DGKB: variants seen among roughly 807,000 people sequenced by gnomAD.
DGKB encodes the protein diacylglycerol kinase beta, also known as 90 kDa diacylglycerol kinase.
DGKB carries 67 observed loss-of-function variants against 114.3 expected under a neutral mutation model. The ratio of observed to expected loss-of-function variants is 0.59; its 90% CI spans 0.48 to 0.72. The LOEUF (loss-of-function observed/expected upper bound fraction) is 0.72. Among genes scored for constraint, DGKB ranks in the 30% least tolerant of loss-of-function variants. The pLI, the probability that DGKB is intolerant of heterozygous loss-of-function variation, is 0.00. For synonymous variants in DGKB, 398 were observed against 323.1 expected (o/e 1.23, Z -2.49); for missense variants, 907 against 975.2 (o/e 0.93, Z 0.93).
intron 23 of DGKB, among the ~76,000 whole-genome samples, chr7:14,301,144 T>G (rs2128488388): frequency 6.6e-6 from 1 of 152,282 alleles, no homozygotes; most frequent in South Asian, 2.1e-4. Flanking sequence ...TCTTTGATAT[T>G]TTATGGGTTT....
intron 15 of DGKB, among the ~76,000 whole-genome samples, chr7:14,619,992 G>C (rs961801826): frequency 6.6e-6 from 1 of 151,470 alleles, no homozygotes; most frequent in South Asian, 2.1e-4. Context: ...ACCCAGAGTA[G>C]CTGAAGATTT....
intron 2 of DGKB, among the ~76,000 whole-genome samples, chr7:14,794,109 C>G (rs542719366): frequency 6.6e-6 from 1 of 152,122 alleles, no homozygotes; most frequent in Admixed American, 6.5e-5. Context: ...ACTTCTCAGC[C>G]TCTACAATCT....
chr7:14,747,853 C>T (rs1833579966), intron 4 of DGKB, among the ~76,000 whole-genome samples: 1 of 151,678 alleles, frequency 6.6e-6, no homozygotes, highest in Non-Finnish European at 1.5e-5. Flanking sequence ...TAAGGAACAG[C>T]CACAGACTAT....
intron 23 of DGKB, among the ~76,000 whole-genome samples, chr7:14,252,154 A>G (rs1253620306): frequency 6.6e-6 from 1 of 152,176 alleles, no homozygotes; most frequent in African/African-American, 2.4e-5. Flanking sequence ...ATGGTGTCCC[A>G]TAAGTCCTGT....
chr7:14,471,871 G>A (rs776217076), intron 21 of DGKB, among the ~76,000 whole-genome samples: 11 of 152,068 alleles, frequency 7.2e-5, no homozygotes, highest in Middle Eastern at 3.2e-3. Flanking sequence ...TCCACAAACT[G>A]TGTAGTTACT....
intron 20 of DGKB, among the ~76,000 whole-genome samples, chr7:14,482,418 T>C (rs73679793): frequency 2.0e-3 from 309 of 152,180 alleles, no homozygotes; most frequent in African/African-American, 6.9e-3. Context: ...ATATGATAAA[T>C]TATCTAACAA....
chr7:14,521,724 T>A (rs1789799113), intron 20 of DGKB, among the ~76,000 whole-genome samples: 1 of 152,204 alleles, frequency 6.6e-6, no homozygotes, highest in Non-Finnish European at 1.5e-5. Context: ...ACTGTTTTGA[T>A]AACAACATCT....
intron 1 of DGKB, among the ~76,000 whole-genome samples, chr7:14,950,669 T>C (rs1407151499): frequency 6.6e-6 from 1 of 152,084 alleles, no homozygotes; most frequent in East Asian, 1.9e-4. Context: ...TGGTGGGTTC[T>C]ACCAAATATT....
chr7:14,433,212 A>C (rs1828733824), intron 21 of DGKB, among the ~76,000 whole-genome samples: 1 of 152,136 alleles, frequency 6.6e-6, no homozygotes, highest in Non-Finnish European at 1.5e-5. Flanking sequence ...TACTGTCAAG[A>C]GTCATTCCAA....
intron 17 of DGKB, among the ~76,000 whole-genome samples, chr7:14,597,061 T>C (rs1802702861): frequency 6.6e-6 from 1 of 152,116 alleles, no homozygotes; most frequent in Non-Finnish European, 1.5e-5. Context: ...TATAGCATAA[T>C]ACTGGTCAGA....
At chr7:14,917,589 C>A (rs1161051612) in intron 1 of DGKB, among the ~76,000 whole-genome samples, 1 of 151,880 alleles carries the variant, frequency 6.6e-6, no homozygotes, top group Non-Finnish European at 1.5e-5. Flanking sequence ...AACACACAAT[C>A]CAAATAGGCT....
At chr7:14,574,103 A>G in intron 20 of DGKB, 109 bp downstream of exon 20, 1 of 852,442 alleles carries the variant, frequency 1.2e-6, no homozygotes, top group Admixed American at 2.6e-5. Flanking sequence ...TTGATGGCAC[A>G]AAAGGTAAAA....
At chr7:14,224,629 T>C (rs1337246811) in intron 23 of DGKB, among the ~76,000 whole-genome samples, 1 of 151,990 alleles carries the variant, frequency 6.6e-6, no homozygotes, top group African/African-American at 2.4e-5. Flanking sequence ...GGTACTCACA[T>C]TGGGACTTGT....
Position 14,672,935 on chromosome 7 carries a change from C to G in DGKB, c.1128G>C (p.Val376=). ...ATGATAAGGAAAAACTCACCAGTACCACTGGACAGATTGTTGTGGGTGGTA... is the reference window on the plus strand; with the variant it reads ...ATGATAAGGAAAAACTCACCAGTACGACTGGACAGATTGTTGTGGGTGGTA... ...HILPPTTICP[V]VLTLPTSGVS... is the part of the protein sequence containing the mutation. The change falls in exon 13 of 26, where the codon GTG becomes GTC. Residue 376 remains valine, a synonymous_variant. Coordinates refer to ENST00000402815, the MANE Select transcript of DGKB (RefSeq NM_001350709.2). 1 of 1,558,636 alleles carries G rather than the reference C, an allele frequency of 6.4e-7. No homozygotes were observed. Among genetic ancestry groups the G allele is most frequent in the Non-Finnish European group, 8.7e-7 (1 of 1,147,346 alleles).
At chr7:14,704,018 C>G (rs1278928424) in intron 6 of DGKB, among the ~76,000 whole-genome samples, 1 of 151,922 alleles carries the variant, frequency 6.6e-6, no homozygotes, top group South Asian at 2.1e-4. Context: ...AAATAGAATT[C>G]TTACTAACAA....
chr7:14,932,670 A>T (rs1785081568), intron 1 of DGKB, among the ~76,000 whole-genome samples: 1 of 152,196 alleles, frequency 6.6e-6, no homozygotes, highest in African/African-American at 2.4e-5. Context: ...ACTTAATGTA[A>T]ATAATTGGTT....
intron 3 of DGKB, among the ~76,000 whole-genome samples, chr7:14,755,205 T>A (rs1257198483): frequency 6.6e-6 from 1 of 152,136 alleles, no homozygotes; most frequent in Non-Finnish European, 1.5e-5. Context: ...AAGATGGGAA[T>A]TAAAAGTAAA....
chr7:14,873,259 T>C (rs879327649), intron 1 of DGKB, among the ~76,000 whole-genome samples: 1 of 152,164 alleles, frequency 6.6e-6, no homozygotes, highest in Non-Finnish European at 1.5e-5. Flanking sequence ...TTACACTTTC[T>C]GTGGTCTTGC....
chr7:14,228,836 A>G (rs1010298965), intron 23 of DGKB, among the ~76,000 whole-genome samples: 4 of 151,790 alleles, frequency 2.6e-5, no homozygotes, highest in African/African-American at 9.7e-5. Context: ...TAGTTCTGTC[A>G]TCACCAAAGA....
Sources: allele counts gnomAD v4.1 joint callset (sites outside exome capture counted in the v4.1 genomes callset), GRCh38; gene constraint gnomAD v4.1.1; transcripts MANE v1.5; gene names NCBI Gene and HGNC (gene_info 2026-07-23, HGNC 2026-07-21).